Variants in MECOM observed in about 807,000 individuals in gnomAD.
The protein encoded by MECOM is MDS1 and EVI1 complex locus.
In MECOM, 13 loss-of-function variants were observed where a neutral mutation model predicts 116.3. The ratio of observed to expected loss-of-function variants is 0.11; its 90% confidence interval spans 0.07 to 0.18. The LOEUF is 0.18. Ranked by LOEUF, MECOM falls within the 10% of genes least tolerant of loss-of-function variation. MECOM has a pLI of 1.00. For synonymous variants in MECOM, 528 were observed against 535.2 expected (o/e 0.99, Z 0.19); for missense variants, 1,299 against 1,509.0 (o/e 0.86, Z 2.31).
intron 1 of MECOM, among the ~76,000 whole-genome samples, chr3:169,501,910 C>G (rs1754587822): frequency 6.6e-6 from 1 of 152,056 alleles, no homozygotes; most frequent in Admixed American, 6.6e-5. Flanking sequence ...GGGTCAGCCA[C>G]TTACTGGTTC....
rs2048123916 is a variant in MECOM at position 169,381,305 on chromosome 3, T to G, written c.257A>C (p.Asn86Thr). ...TATTCCTAGTCCTGCCCCAGGCATA[T>G]TTGACTCTCGAAGTTCAAACTCAGC... is the stretch of plus-strand genomic sequence containing the variant. ...IPAEFELRES[N>T]MPGAGLGIWT... Residue 86 changes from asparagine to threonine, a missense_variant, in exon 2 of 17, where the codon AAT (asparagine) becomes ACT (threonine). Transcript: ENST00000651503. The G allele has an allele frequency of 6.2e-7, 1 of 1,613,766 alleles. No individual in the cohort carries two copies. Among genetic ancestry groups the G allele is most frequent in the African/African-American group, 1.3e-5 (1 of 74,928 alleles).
chr3:169,422,950 A>G (rs1740009461), intron 1 of MECOM, among the ~76,000 whole-genome samples: 1 of 152,124 alleles, frequency 6.6e-6, no homozygotes, highest in African/African-American at 2.4e-5. Flanking sequence ...AATTGTAAAA[A>G]TTGCCCTTAT....
chr3:169,613,948 T>C (rs1158645614), intron 1 of MECOM: 1 of 152,168 alleles, frequency 6.6e-6, no homozygotes, highest in Non-Finnish European at 1.5e-5. Flanking sequence ...GGTCTTATGT[T>C]CCATCTTTTA....
intron 1 of MECOM, among the ~76,000 whole-genome samples, chr3:169,604,324 C>T (rs76840900): frequency 0.025 from 3,865 of 152,098 alleles, 180 homozygotes; most frequent in African/African-American, 0.089. Flanking sequence ...ACTAGCTCCC[C>T]TGAGGGGATG....
chr3:169,431,879 G>C (rs144682350), intron 1 of MECOM, among the ~76,000 whole-genome samples: 2 of 152,306 alleles, frequency 1.3e-5, no homozygotes, highest in Non-Finnish European at 2.9e-5. Flanking sequence ...TCCATCTAAA[G>C]GAGGGAGCTG....
In MECOM at chr3:169,418,233, G is replaced by A. The variant is rs182075952; in HGVS notation, c.38-36709C>T. 9.9e-3 allele frequency among the ~76,000 whole-genome samples: 1,498 copies of A among 151,620 alleles called. 20 individuals carry two copies. Among genetic ancestry groups the A allele is most frequent in the Non-Finnish European group, 0.013 (880 of 67,922 alleles). On this transcript the variant is annotated intron_variant, in intron 1 of 16. Coordinates refer to ENST00000651503, the MANE Select transcript of MECOM (RefSeq NM_004991.4). Reference sequence around the variant, plus strand: ...AAATCCCTGAATGCAGCAATAACAAGTTCTGAAATTGAGGTACTAATTAAT... The same window carrying A: ...AAATCCCTGAATGCAGCAATAACAAATTCTGAAATTGAGGTACTAATTAAT...
chr3:169,663,341 G>A lies in MECOM; in HGVS notation c.32C>T (p.Ala11Val), dbSNP rs767578342. ...AAAAGGGATATTGCACCTACTTGTG[G>A]CCAGTTTCCTTGCCCTGCCTTTGGA... MRSKGRARKL[A>V]TNNECVYGNY... is the part of the protein sequence containing the mutation. The change falls in exon 1 of 17, where the codon GCC (alanine) becomes GTC (valine). Residue 11 changes from alanine to valine, a missense_variant. Transcript: ENST00000651503. 6.2e-6 allele frequency: 10 copies of A among 1,609,832 alleles called. No homozygotes were observed. Among genetic ancestry groups the A allele is most frequent in the African/African-American group, 2.7e-5 (2 of 74,860 alleles).
chr3:169,554,153 C>G (rs750258990), intron 1 of MECOM, among the ~76,000 whole-genome samples: 25 of 152,122 alleles, frequency 1.6e-4, no homozygotes, highest in Non-Finnish European at 2.6e-4. Flanking sequence ...ATGCTGTTTC[C>G]CCATCTGCTG....
At chr3:169,479,131 T>A (rs909440381) in intron 1 of MECOM, among the ~76,000 whole-genome samples, 2 of 152,104 alleles carry the variant, frequency 1.3e-5, no homozygotes, top group African/African-American at 4.8e-5. Flanking sequence ...AACTAATTAG[T>A]CATAAATGTG....
chr3:169,237,917 CTGTAAT>C (rs1356603673), intron 2 of MECOM, among the ~76,000 whole-genome samples: 1 of 151,954 alleles, frequency 6.6e-6, no homozygotes, highest in Non-Finnish European at 1.5e-5. Context: ...TGGCTCACAC[CTGTAAT>C]CCCAGCAATT....
At position 169,115,493 on chromosome 3, in the gene MECOM, T is replaced by G. The variant is rs1177201524; in HGVS notation, c.2379A>C (p.Lys793Asn). 6.2e-7 allele frequency: 1 copy of G among 1,614,124 alleles called. No homozygotes were observed. The highest frequency in any genetic ancestry group is 8.5e-7 in the Non-Finnish European group (1 of 1,180,030). The change falls in exon 8 of 17, where the codon AAA becomes AAC. Residue 793 changes from lysine to asparagine, a missense_variant. By Grantham distance (94) the Lys-to-Asn change is moderately conservative (BLOSUM62 0). Transcript: ENST00000651503. ...CTTTTTTTCCCCCAAACACGTGGTT[T>G]TTTCGAGGCTCAGTCAGCTTTGTCC... ...ASGTKLTEPR[K>N]NHVFGGKKGS...
At chr3:169,535,273 C>T (rs994755613) in intron 1 of MECOM, among the ~76,000 whole-genome samples, 2 of 152,168 alleles carry the variant, frequency 1.3e-5, no homozygotes, top group Non-Finnish European at 2.9e-5. Flanking sequence ...AATCAATCCT[C>T]TTGACCAGAA....
intron 1 of MECOM, among the ~76,000 whole-genome samples, chr3:169,634,173 A>C (rs1387293764): frequency 6.6e-6 from 1 of 152,108 alleles, no homozygotes; most frequent in African/African-American, 2.4e-5. Context: ...CAAAACAAAT[A>C]TAGTCATCAA....
intron 2 of MECOM, among the ~76,000 whole-genome samples, chr3:169,244,774 A>G (rs1451743971): frequency 6.6e-6 from 1 of 152,214 alleles, no homozygotes; most frequent in Non-Finnish European, 1.5e-5. Flanking sequence ...ATTATCTGTA[A>G]GCAAAGAAAT....
chr3:169,568,349 C>T (rs545904457), intron 1 of MECOM, among the ~76,000 whole-genome samples: 86 of 152,024 alleles, frequency 5.7e-4, no homozygotes, highest in South Asian at 1.5e-3. Flanking sequence ...CCCAGTGGCA[C>T]CTGGAACCTC....
intron 14 of MECOM, 25 bp from the exon 15 acceptor site, chr3:169,090,261 T>C: frequency 1.3e-6 from 2 of 1,560,446 alleles, no homozygotes; most frequent in Middle Eastern, 3.4e-4. Context: ...AAAAAAAAAG[T>C]CCAATTGTTG....
chr3:169,282,904 T>C (rs1288599792), intron 2 of MECOM, among the ~76,000 whole-genome samples: 1 of 152,012 alleles, frequency 6.6e-6, no homozygotes, highest in Non-Finnish European at 1.5e-5. Context: ...TTTTTTTCTG[T>C]GCCCCAATGC....
At chr3:169,645,492 T>C (rs1774056138) in intron 1 of MECOM, among the ~76,000 whole-genome samples, 1 of 152,234 alleles carries the variant, frequency 6.6e-6, no homozygotes, top group Non-Finnish European at 1.5e-5. Context: ...ACCTTGTTGT[T>C]TAATCTGAAG....
chr3:169,532,340 T>G (rs1758752771), intron 1 of MECOM, among the ~76,000 whole-genome samples: 1 of 152,202 alleles, frequency 6.6e-6, no homozygotes, highest in Non-Finnish European at 1.5e-5. Flanking sequence ...AAAGGTGTCA[T>G]GCAGACATTG....
Sources: allele counts gnomAD v4.1 joint callset (sites outside exome capture counted in the v4.1 genomes callset), GRCh38; gene constraint gnomAD v4.1.1; transcripts MANE v1.5; gene names NCBI Gene and HGNC (gene_info 2026-07-23, HGNC 2026-07-21).